Variants in HS6ST2 observed in about 807,000 individuals in gnomAD.
HS6ST2 encodes heparan sulfate 6-O-sulfotransferase 2.
In HS6ST2, 17 loss-of-function variants were observed where a neutral mutation model predicts 33.0. That is an observed-to-expected ratio of 0.52 (90% CI 0.35 to 0.77). The LOEUF is 0.77. HS6ST2 is among the 30% of genes least tolerant of loss of function. The pLI, the probability that HS6ST2 is intolerant of heterozygous loss-of-function variation, is 0.01. For synonymous variants in HS6ST2, 248 were observed against 237.1 expected (o/e 1.05, Z -0.42); for missense variants, 519 against 551.7 (o/e 0.94, Z 0.59).
chrX:132,699,959 A>G, intron 3 of HS6ST2, among the ~76,000 whole-genome samples: 1 of 112,107 alleles, frequency 8.9e-6, no homozygotes, highest in East Asian at 2.8e-4. Flanking sequence ...TATAGAAACA[A>G]TCAGTAAAGG....
At chrX:132,678,227 A>C (rs1167596043) in intron 3 of HS6ST2, among the ~76,000 whole-genome samples, 1 of 111,957 alleles carries the variant, frequency 8.9e-6, no homozygotes, top group African/African-American at 3.3e-5. Context: ...GTGGTGGCAC[A>C]TGCCTGTCAT....
At chrX:132,922,802 C>A (rs1433423197) in intron 2 of HS6ST2, among the ~76,000 whole-genome samples, 1 of 111,885 alleles carries the variant, frequency 8.9e-6, no homozygotes, top group Non-Finnish European at 1.9e-5. Flanking sequence ...GTGGCTCACG[C>A]CTGTAATCCC....
At position 132,899,781 on chromosome X, in the gene HS6ST2, A is replaced by G. The variant is rs149311909; in HGVS notation, c.947+57027T>C. The stretch of plus-strand genomic sequence containing the variant: ...CTGTAAGCCAAAAATAAAAGGAAAA[A>G]ACCACACCATAGCAAATCATTATCT... On this transcript the variant is annotated intron_variant, in intron 2 of 4. Coordinates refer to ENST00000370833, the MANE Select transcript of HS6ST2 (RefSeq NM_001394073.1). Among the ~76,000 whole-genome samples, 9 of 111,967 alleles carry G rather than the reference A, an allele frequency of 8.0e-5. No homozygotes were observed. The South Asian group carries it at 2.2e-3, about 28-fold the overall frequency.
intron 2 of HS6ST2, among the ~76,000 whole-genome samples, chrX:132,772,552 T>C (rs1481075478): frequency 9.6e-6 from 1 of 104,651 alleles, no homozygotes; most frequent in African/African-American, 3.4e-5. Flanking sequence ...GTATGCAATA[T>C]AATTATATTG....
chrX:132,737,950 G>T (rs1432863848), intron 2 of HS6ST2, among the ~76,000 whole-genome samples: 1 of 112,226 alleles, frequency 8.9e-6, no homozygotes, highest in Admixed American at 9.4e-5. Flanking sequence ...GTTGGCTCCC[G>T]TGGCCAGTGC....
In HS6ST2 at chrX:132,628,317, C is replaced by G; in HGVS notation, c.1844G>C (p.Arg615Pro). 8.6e-7 allele frequency: 1 copy of G among 1,168,026 alleles called. No homozygotes were observed. The highest frequency in any genetic ancestry group is 1.1e-6 in the Non-Finnish European group (1 of 873,054). ...LTQSLSQKEN[R>P]ESPKQNSGKE... Reference sequence around the variant, plus strand: ...GCCTGAGTTCTGCTTCGGGCTTTCCCGGTTCTCCTTCTGGCTCAAACTCTG... The same window carrying G: ...GCCTGAGTTCTGCTTCGGGCTTTCCGGGTTCTCCTTCTGGCTCAAACTCTG... The change falls in exon 5 of 5, where the codon CGG (arginine) becomes CCG (proline). Residue 615 changes from arginine to proline, a missense_variant. Coordinates refer to ENST00000370833, the MANE Select transcript of HS6ST2 (RefSeq NM_001394073.1).
At chrX:132,804,792 C>G (rs996729159) in intron 2 of HS6ST2, among the ~76,000 whole-genome samples, 1 of 111,293 alleles carries the variant, frequency 9.0e-6, no homozygotes, top group African/African-American at 3.3e-5. Flanking sequence ...GAACAAGAAC[C>G]TATGTCAAAA....
chrX:132,642,729 G>A (rs2063610318), intron 4 of HS6ST2, among the ~76,000 whole-genome samples: 1 of 112,300 alleles, frequency 8.9e-6, no homozygotes, highest in Non-Finnish European at 1.9e-5. Flanking sequence ...CTCTAGCTAA[G>A]GAATGTGATG....
At chrX:132,777,286 T>C (rs1327332182) in intron 2 of HS6ST2, among the ~76,000 whole-genome samples, 1 of 108,770 alleles carries the variant, frequency 9.2e-6, no homozygotes, top group Admixed American at 1.0e-4. Flanking sequence ...CGGTGCTGAG[T>C]ACCTACAATA....
chrX:132,749,840 T>C (rs1009077690), intron 2 of HS6ST2, among the ~76,000 whole-genome samples: 2 of 111,352 alleles, frequency 1.8e-5, no homozygotes, highest in Non-Finnish European at 3.8e-5. Flanking sequence ...AAATCTCCCC[T>C]GGAATGAAGC....
chrX:132,959,866 G>T (rs949585090), upstream of HS6ST2, among the ~76,000 whole-genome samples: 5 of 112,106 alleles, frequency 4.5e-5, no homozygotes, highest in Middle Eastern at 4.6e-3. Context: ...TGCCAACTGC[G>T]TCACAGGCCA....
At chrX:132,686,823 A>G (rs1351309762) in intron 3 of HS6ST2, among the ~76,000 whole-genome samples, 1 of 111,889 alleles carries the variant, frequency 8.9e-6, no homozygotes, top group African/African-American at 3.3e-5. Context: ...TATAGGCCTT[A>G]TTGTATAAGT....
intron 2 of HS6ST2, among the ~76,000 whole-genome samples, chrX:132,750,072 C>T (rs2064686284): frequency 9.1e-6 from 1 of 110,058 alleles, no homozygotes; most frequent in Non-Finnish European, 1.9e-5. Flanking sequence ...GAGGACACAC[C>T]CCCCAGCTTC....
chrX:132,705,420 G>A, intron 3 of HS6ST2, among the ~76,000 whole-genome samples: 1 of 111,525 alleles, frequency 9.0e-6, no homozygotes, highest in Non-Finnish European at 1.9e-5. Flanking sequence ...CAGTCTTTCT[G>A]ATGCAAATCT....
rs1039704933 is a variant in HS6ST2 at position 132,756,762 on chromosome X, T to C, written c.948-48268A>G. On this transcript the variant is annotated intron_variant, in intron 2 of 4. Transcript: ENST00000370833. ...TTCTCCTACTCTCTTTCTTTCTCCC[T>C]GTCTCTCTTCAAGTGGCTCTCTCTC... 4.5e-5 allele frequency among the ~76,000 whole-genome samples: 5 copies of C among 110,460 alleles called. No homozygotes were observed. In the Admixed American group the frequency reaches 4.9e-4, roughly 11 times the overall value.
At chrX:132,645,741 C>T (rs1434002948) in intron 4 of HS6ST2, among the ~76,000 whole-genome samples, 1 of 112,350 alleles carries the variant, frequency 8.9e-6, no homozygotes, top group Non-Finnish European at 1.9e-5. Context: ...AGCAGGTCAC[C>T]TTTGAGGTTT....
chrX:132,951,054 G>T (rs2067009953), intron 2 of HS6ST2, among the ~76,000 whole-genome samples: 1 of 110,733 alleles, frequency 9.0e-6, no homozygotes, highest in Admixed American at 9.7e-5. Context: ...TAGAAATCTA[G>T]GCAACAGGAA....
At chrX:132,907,700 C>T (rs981240968) in intron 2 of HS6ST2, 1 of 111,829 alleles carries the variant, frequency 8.9e-6, no homozygotes, top group African/African-American at 3.3e-5. Flanking sequence ...GCAAATGATT[C>T]TGGGTCAAGT....
chrX:132,745,775 C>G (rs188639714), intron 2 of HS6ST2, among the ~76,000 whole-genome samples: 1 of 111,996 alleles, frequency 8.9e-6, no homozygotes, highest in East Asian at 2.8e-4. Context: ...GTTCTCAATT[C>G]TGGCTGCATA....
Sources: gnomAD v4.1 joint callset for allele counts (sites outside exome capture counted in the v4.1 genomes callset) on GRCh38, gnomAD v4.1.1 for gene constraint, MANE v1.5 for transcripts, NCBI Gene and HGNC (gene_info 2026-07-23, HGNC 2026-07-21) for gene names.